Variants in GRK3 observed in about 807,000 individuals in gnomAD.
GRK3 encodes adrenergic, beta, receptor kinase 2.
Under a neutral mutation model 95.7 loss-of-function variants are expected in GRK3, and 54 were observed. That is an observed-to-expected ratio of 0.56 (90% CI 0.45 to 0.71). The LOEUF (loss-of-function observed/expected upper bound fraction) is 0.71, where lower values mean the gene tolerates loss of function less well. Ranked by LOEUF, GRK3 falls within the 30% of genes least tolerant of loss-of-function variation. The pLI is 0.00. For synonymous variants in GRK3, 281 were observed against 290.8 expected (o/e 0.97, Z 0.34); for missense variants, 649 against 851.2 (o/e 0.76, Z 2.96).
At chr22:25,710,305 CTCT>C (rs537535795) in intron 16 of GRK3, among the ~76,000 whole-genome samples, 25 of 152,206 alleles carry the variant, frequency 1.6e-4, no homozygotes, top group African/African-American at 4.3e-4. Context: ...TTAGTTTTTG[CTCT>C]TCTTCTTGAA....
intron 3 of GRK3, among the ~76,000 whole-genome samples, chr22:25,658,842 CAT>C (rs1033389982): frequency 6.6e-6 from 1 of 152,006 alleles, no homozygotes; most frequent in African/African-American, 2.4e-5. Flanking sequence ...TGATTTTACT[CAT>C]TTTTTTGATA....
At position 25,722,577 on chromosome 22, in the gene GRK3, C is replaced by A; in HGVS notation, c.*127C>A. On this transcript the variant is annotated 3_prime_UTR_variant, in exon 21 of 21. Transcript: ENST00000324198. ...TCCAGGCTCCCGAGAGGAGTCGGGA[C>A]CCTTCGGCTTGGGGTCAGCTCAGCT... is the stretch of plus-strand genomic sequence containing the variant. 1.0e-6 allele frequency: 1 copy of A among 968,340 alleles called. No individual in the cohort carries two copies. The highest frequency in any genetic ancestry group is 1.5e-6 in the Non-Finnish European group (1 of 667,220). 60.0% of individuals were successfully genotyped at this position (968,340 alleles called of 1,614,324 possible).
At chr22:25,681,574 C>A (rs761230367) in intron 9 of GRK3, among the ~76,000 whole-genome samples, 11 of 152,018 alleles carry the variant, frequency 7.2e-5, no homozygotes, top group African/African-American at 2.7e-4. Flanking sequence ...CATCGCCGGC[C>A]GATCTTGAGG....
At chr22:25,670,912 G>T (rs2084976491) in intron 6 of GRK3, among the ~76,000 whole-genome samples, 1 of 145,790 alleles carries the variant, frequency 6.9e-6, no homozygotes, top group African/African-American at 2.6e-5. Flanking sequence ...AAATTAGCCT[G>T]GCGTGGTGGC....
At chr22:25,711,911 AAC>A (rs2085347077) in intron 17 of GRK3, among the ~76,000 whole-genome samples, 1 of 152,226 alleles carries the variant, frequency 6.6e-6, no homozygotes, top group Admixed American at 6.5e-5. Context: ...GCACTATTAA[AAC>A]ACACACCTGT....
chr22:25,612,699 G>T lies in GRK3; in HGVS notation c.190+8246G>T, dbSNP rs5752188. Among the ~76,000 whole-genome samples the T allele has an allele frequency of 2.4e-4, 37 of 151,942 alleles. 1 individual carries two copies. In the East Asian group the frequency reaches 6.2e-3, roughly 25 times the overall value. ...CAAACATATTTAGCATGATATCAAA[G>T]AACATTTACCTAGAAATAATACATA... On this transcript the variant is annotated intron_variant, in intron 2 of 20. Coordinates refer to ENST00000324198, the MANE Select transcript of GRK3 (RefSeq NM_005160.4).
intron 5 of GRK3, among the ~76,000 whole-genome samples, chr22:25,667,214 G>A (rs908894299): frequency 6.6e-6 from 1 of 151,794 alleles, no homozygotes; most frequent in Non-Finnish European, 1.5e-5. Flanking sequence ...AAATAAAATA[G>A]CTAATTAAAA....
intron 4 of GRK3, among the ~76,000 whole-genome samples, chr22:25,662,747 G>C (rs906439456): frequency 6.6e-6 from 1 of 152,122 alleles, no homozygotes; most frequent in African/African-American, 2.4e-5. Flanking sequence ...ATGTTCAATG[G>C]GAAAGCCTCC....
At chr22:25,615,511 A>T (rs887504998) in intron 2 of GRK3, among the ~76,000 whole-genome samples, 9 of 152,144 alleles carry the variant, frequency 5.9e-5, no homozygotes, top group Non-Finnish European at 1.2e-4. Context: ...TTCTACTTCT[A>T]GTCAAAGTTA....
At chr22:25,603,650 A>G (rs970155388) in intron 1 of GRK3, among the ~76,000 whole-genome samples, 2 of 152,196 alleles carry the variant, frequency 1.3e-5, no homozygotes, top group Non-Finnish European at 2.9e-5. Context: ...GAAAAACCCT[A>G]TTGGAATGTT....
chr22:25,573,916 AAACC>A (rs71191073), intron 1 of GRK3, among the ~76,000 whole-genome samples: 15,254 of 151,624 alleles, frequency 0.1, 1,015 homozygotes, highest in African/African-American at 0.19. Flanking sequence ...AGAAACAAAA[AAACC>A]AACCAACCAA....
intron 10 of GRK3, among the ~76,000 whole-genome samples, chr22:25,686,434 G>C (rs2085114916): frequency 6.6e-6 from 1 of 152,140 alleles, no homozygotes; most frequent in South Asian, 2.1e-4. Flanking sequence ...GGTCTTGACT[G>C]AAAGGGCATA....
chr22:25,566,372 T>C (rs945661860), intron 1 of GRK3, among the ~76,000 whole-genome samples: 1 of 152,242 alleles, frequency 6.6e-6, no homozygotes, highest in African/African-American at 2.4e-5. Context: ...TGCTAAGTGA[T>C]CATCATCTGA....
chr22:25,601,764 C>A (rs1424355804), intron 1 of GRK3, among the ~76,000 whole-genome samples: 2 of 152,088 alleles, frequency 1.3e-5, no homozygotes, highest in South Asian at 4.1e-4. Flanking sequence ...AATACCAGAA[C>A]AATGAAATAT....
At chr22:25,717,195 A>G (rs1028627838) in intron 18 of GRK3, among the ~76,000 whole-genome samples, 1 of 152,172 alleles carries the variant, frequency 6.6e-6, no homozygotes, top group Admixed American at 6.5e-5. Flanking sequence ...TGCAAACACC[A>G]TGCCATTTTA....
intron 2 of GRK3, among the ~76,000 whole-genome samples, chr22:25,639,210 G>A (rs2084725577): frequency 6.6e-6 from 1 of 152,118 alleles, no homozygotes; most frequent in Non-Finnish European, 1.5e-5. Context: ...TCTACATTTT[G>A]ATAAAGTATA....
Position 25,726,482 on chromosome 22 carries a change from G to A in GRK3, c.*4032G>A, listed in dbSNP as rs1284567665. On this transcript the variant is annotated 3_prime_UTR_variant, in exon 21 of 21. Coordinates refer to ENST00000324198, the MANE Select transcript of GRK3 (RefSeq NM_005160.4). The stretch of plus-strand genomic sequence containing the variant: ...TCTGTGTCATTCAGAGATGCTTGAT[G>A]AATTAACACCTCCCACCCTGAGTGA... 2 of 152,158 alleles carry A rather than the reference G, an allele frequency of 1.3e-5. No homozygotes were observed. The highest frequency in any genetic ancestry group is 4.8e-5 in the African/African-American group (2 of 41,420). The allele number at this position is 152,158 out of a possible 1,614,324, so 9.4% of individuals were successfully genotyped here. A position where few individuals can be genotyped will look rare whatever the true frequency, so the allele number is the denominator to read the frequency against.
rs374912168 is a variant in GRK3, at chr22:25,722,304, G to A, written c.1921G>A (p.Val641Met). The A allele has an allele frequency of 3.3e-5, 53 of 1,614,064 alleles. No homozygotes were observed. Among genetic ancestry groups the A allele is most frequent in the Non-Finnish European group, 2.5e-6 (3 of 1,180,036 alleles). The change falls in exon 21 of 21, where the codon GTG (valine) becomes ATG (methionine). Residue 641 changes from valine to methionine, a missense_variant. Transcript: ENST00000324198. The stretch of plus-strand genomic sequence containing the variant: ...TCCCCCTCAGAGTGATCCAGAGTTT[G>A]TGCAGTGGAAGAAAGAGTTGAACGA... ...VLQCESDPEFVQWKKELNETF... is the reference protein window; with the variant it reads ...VLQCESDPEFMQWKKELNETF...
intron 2 of GRK3, among the ~76,000 whole-genome samples, chr22:25,612,911 G>T (rs2084509855): frequency 6.7e-6 from 1 of 149,210 alleles, no homozygotes; most frequent in Non-Finnish European, 1.5e-5. Flanking sequence ...ATAGACCACA[G>T]ATGCTTATTT....
Sources: allele counts gnomAD v4.1 joint callset (sites outside exome capture counted in the v4.1 genomes callset), GRCh38; gene constraint gnomAD v4.1.1; transcripts MANE v1.5; gene names NCBI Gene and HGNC (gene_info 2026-07-23, HGNC 2026-07-21).